The following FCN2 variants were observed in gnomAD, a reference collection of about 807,000 sequenced individuals.
FCN2 encodes ficolin-2.
In FCN2, 31 loss-of-function variants were observed where a neutral mutation model predicts 32.5. That is an observed-to-expected ratio of 0.96 (90% CI 0.72 to 1.29). The LOEUF is 1.29. FCN2 is among the 50% of genes most tolerant of loss of function. The probability of loss-of-function intolerance (pLI) is 0.00; values close to 1 mark genes in which losing one functional copy is unlikely to be tolerated. For missense variants in FCN2, 412 were observed against 406.5 expected (o/e 1.01, Z -0.12); for synonymous variants, 181 against 164.5 (o/e 1.10, Z -0.77).
chr9:134,883,286 T>A lies in FCN2; in HGVS notation c.215-16T>A. The A allele has an allele frequency of 6.2e-7, 1 of 1,608,474 alleles. No individual in the cohort carries two copies. Among genetic ancestry groups the A allele is most frequent in the Non-Finnish European group, 8.5e-7 (1 of 1,175,008 alleles). On this transcript the variant is annotated splice_polypyrimidine_tract_variant and intron_variant, in intron 2 of 7. Transcript: ENST00000291744. ...CTGGGCAGTTTTCCTCAAGTCAGTG[T>A]CTTTGGAAATTGCAGGAGAACGTGG...
rs755422138 is a variant in FCN2, at chr9:134,884,754, C to A, written c.283C>A (p.Pro95Thr). Residue 95 changes from proline (P) to threonine (T), a missense_variant, in exon 4 of 8, where the codon CCC becomes ACC. Pro to Thr is a conservative substitution (Grantham distance 38, BLOSUM62 -1). Transcript: ENST00000291744. The stretch of plus-strand genomic sequence containing the variant: ...TCCATGAACAGGAGCACCTGGGGAG[C>A]CCCAGCCGTGCCTGACAGGTGACTG... ...PPGPNGAPGE[P>T]QPCLTGPRTC... The A allele has an allele frequency of 6.2e-7, 1 of 1,613,970 alleles. No individual in the cohort carries two copies. The highest frequency in any genetic ancestry group is 8.5e-7 in the Non-Finnish European group (1 of 1,179,904).
At chr9:134,881,283 C>T (rs1023252185) in intron 1 of FCN2, among the ~76,000 whole-genome samples, 2 of 152,092 alleles carry the variant, frequency 1.3e-5, no homozygotes, top group Non-Finnish European at 2.9e-5. Flanking sequence ...CTGCCATGGT[C>T]GCCATCACAG....
intron 5 of FCN2, 96 bp downstream of exon 5, chr9:134,885,462 C>A (rs1830735358): frequency 1.3e-6 from 2 of 1,540,264 alleles, no homozygotes; most frequent in Non-Finnish European, 1.8e-6. Context: ...TCTCTATTCT[C>A]CTGGTCGGGG....
At chr9:134,879,732 C>A (rs993254516), upstream of FCN2, among the ~76,000 whole-genome samples, 1 of 152,130 alleles carries the variant, frequency 6.6e-6, no homozygotes. Flanking sequence ...AAGGAAAATC[C>A]GATGGGATTT....
rs141273504 is a variant in FCN2 at position 134,885,812 on chromosome 9, C to T, written c.474C>T (p.Asp158=). ...RVDGSVDFYR[D]WATYKQGFGS... is the part of the protein sequence containing the mutation. Reference sequence around the variant, plus strand: ...ATGGCTCTGTGGACTTCTACCGGGACTGGGCCACGTACAAGCAGGGCTTCG... The same window carrying T: ...ATGGCTCTGTGGACTTCTACCGGGATTGGGCCACGTACAAGCAGGGCTTCG... Residue 158 remains aspartate, a synonymous_variant, in exon 6 of 8, where the codon GAC becomes GAT. Transcript: ENST00000291744. 18 of 1,613,972 alleles carry T rather than the reference C, an allele frequency of 1.1e-5. No individual in the cohort carries two copies. Among genetic ancestry groups the T allele is most frequent in the Non-Finnish European group, 1.5e-5 (18 of 1,179,974 alleles).
At chr9:134,880,582 G>T (rs1254402447), upstream of FCN2, among the ~76,000 whole-genome samples, 4 of 152,172 alleles carry the variant, frequency 2.6e-5, no homozygotes, top group Non-Finnish European at 5.9e-5. Context: ...CCACAAGCAA[G>T]TCAGCCTGTT....
In FCN2 at chr9:134,887,173, T is replaced by G. The variant is rs1469419718; in HGVS notation, c.700T>G (p.Ser234Ala). 6.2e-7 allele frequency: 1 copy of G among 1,614,106 alleles called. No individual in the cohort carries two copies. ...TCACATTTCCTCCTGCACAGGAGAT[T>G]CCCTGACGTTCCACAACAACCAGTC... ...GAFVEGSAGDSLTFHNNQSFS... is the reference protein window; with the variant it reads ...GAFVEGSAGDALTFHNNQSFS... The change falls in exon 8 of 8, where the codon TCC becomes GCC. Residue 234 changes from serine (S) to alanine (A), a missense_variant. Transcript: ENST00000291744.
At chr9:134,878,817 C>T (rs1037152299), upstream of FCN2, among the ~76,000 whole-genome samples, 7 of 152,028 alleles carry the variant, frequency 4.6e-5, no homozygotes, top group Admixed American at 3.9e-4. Context: ...CACTCCAGCC[C>T]GGGCAACAAG....
At chr9:134,881,751 G>A (rs142538941) in intron 1 of FCN2, among the ~76,000 whole-genome samples, 29 of 152,316 alleles carry the variant, frequency 1.9e-4, no homozygotes, top group African/African-American at 5.8e-4. Flanking sequence ...GCGGGGATTC[G>A]CTTGGAAACT....
intron 7 of FCN2, among the ~76,000 whole-genome samples, 161 bp from the exon 8 acceptor site, chr9:134,887,007 G>A (rs891424256): frequency 5.3e-5 from 8 of 152,228 alleles, no homozygotes; most frequent in African/African-American, 1.9e-4. Context: ...CAGCAGGGCA[G>A]TATTCACTGG....
intron 1 of FCN2, among the ~76,000 whole-genome samples, chr9:134,881,305 G>A (rs976357814): frequency 3.3e-5 from 5 of 152,196 alleles, no homozygotes; most frequent in African/African-American, 1.2e-4. Context: ...GAGACAGGGT[G>A]TGAGGTGGGG....
At chr9:134,866,849 C>T in the FCN2 span, among the ~76,000 whole-genome samples, 22 of 140,606 alleles carry the variant, frequency 1.6e-4, no homozygotes, top group Non-Finnish European at 2.8e-4. Flanking sequence ...AGACACTTCT[C>T]AAAAGAAGAC....
chr9:134,869,927 G>A, the FCN2 span, among the ~76,000 whole-genome samples: 1 of 152,156 alleles, frequency 6.6e-6, no homozygotes, highest in African/African-American at 2.4e-5. Flanking sequence ...AAGGGGGACA[G>A]ATGGCTGCAG....
At chr9:134,873,915 G>A in the FCN2 span, among the ~76,000 whole-genome samples, 118 of 6,214 alleles carry the variant, frequency 0.019, 2 homozygotes, top group South Asian at 0.22. Context: ...TTTTGTTTTT[G>A]TTTTTTGTTT....
the FCN2 span, among the ~76,000 whole-genome samples, chr9:134,871,102 G>A: frequency 6.6e-6 from 1 of 152,144 alleles, no homozygotes; most frequent in Admixed American, 6.5e-5. Context: ...GGTTGATTGA[G>A]CGCTACGAAA....
intron 2 of FCN2, among the ~76,000 whole-genome samples, chr9:134,882,969 C>T (rs1317000631): frequency 6.6e-6 from 1 of 152,206 alleles, no homozygotes; most frequent in Admixed American, 6.5e-5. Flanking sequence ...TGACACTCTT[C>T]TCCACCTGTC....
chr9:134,869,162 G>C, the FCN2 span, among the ~76,000 whole-genome samples: 1 of 152,334 alleles, frequency 6.6e-6, no homozygotes, highest in East Asian at 1.9e-4. Flanking sequence ...GGGGCTTCCT[G>C]CCACCTGCCT....
the FCN2 span, among the ~76,000 whole-genome samples, chr9:134,865,100 C>G: frequency 6.6e-6 from 1 of 152,244 alleles, no homozygotes; most frequent in East Asian, 1.9e-4. Flanking sequence ...ACGTGGCCAG[C>G]AAAGTCAAGT....
the FCN2 span, among the ~76,000 whole-genome samples, chr9:134,871,718 C>T: frequency 1.9e-4 from 29 of 152,104 alleles, no homozygotes; most frequent in Middle Eastern, 3.2e-3. Flanking sequence ...GCCCCTTACC[C>T]GAGAGGAAAG....
Sources: allele counts gnomAD v4.1 joint callset (sites outside exome capture counted in the v4.1 genomes callset), GRCh38; gene constraint gnomAD v4.1.1; transcripts MANE v1.5; gene names NCBI Gene and HGNC (gene_info 2026-07-23, HGNC 2026-07-21).